Variants in ATP2B4 observed in about 807,000 individuals in gnomAD.
ATP2B4 encodes the protein ATPase plasma membrane Ca2+ transporting 4, also known as plasma membrane calcium-transporting ATPase 4.
In ATP2B4, 39 loss-of-function variants were observed where a neutral mutation model predicts 110.3. The observed-to-expected ratio is 0.35, with a 90% CI of 0.27 to 0.46. The LOEUF (loss-of-function observed/expected upper bound fraction) is 0.46, where lower values mean the gene tolerates loss of function less well. Among genes scored for constraint, ATP2B4 ranks in the 20% least tolerant of loss-of-function variants. ATP2B4 has a pLI of 1.00. For synonymous variants in ATP2B4, 538 were observed against 571.7 expected (o/e 0.94, Z 0.84); for missense variants, 1,135 against 1,530.9 (o/e 0.74, Z 4.32).
At position 203,720,705 on chromosome 1, in the gene ATP2B4, G is replaced by A. The variant is rs748977323; in HGVS notation, c.2563G>A (p.Val855Met). Residue 855 changes from valine to methionine, a missense_variant, in exon 16 of 21, where the codon GTG becomes ATG. Transcript: ENST00000357681. The part of the protein sequence containing the change: ...QFQLTVNVVA[V>M]IVAFTGACIT... ...CCAGCTCACTGTCAATGTGGTGGCC[G>A]TGATTGTAGCCTTCACTGGAGCCTG... 5.6e-6 allele frequency: 9 copies of A among 1,613,490 alleles called. No homozygotes were observed. The highest frequency in any genetic ancestry group is 2.2e-5 in the East Asian group (1 of 44,884).
rs562167924 is a variant in ATP2B4, at chr1:203,714,117, C to T, written c.2300-54C>T. The T allele has an allele frequency of 3.9e-6, 6 of 1,521,376 alleles. No homozygotes were observed. The South Asian group carries it at 4.5e-5, about 12-fold the overall frequency. The allele number at this position is 1,521,376 out of a possible 1,614,324, so 94.2% of individuals were successfully genotyped here. A position where few individuals can be genotyped will look rare whatever the true frequency, so the allele number is the denominator to read the frequency against. On this transcript the variant is annotated intron_variant, in intron 14 of 20. Coordinates refer to ENST00000357681, the MANE Select transcript of ATP2B4 (RefSeq NM_001684.5). ...TAGAAGGAGTGGCGGGTGGTAGGAA[C>T]TGAAGGGTGGGGGAGACCAGAAAAG...
In ATP2B4 at chr1:203,699,747, C is replaced by T. The variant is rs770208103; in HGVS notation, c.649+30C>T. 41 of 1,608,734 alleles carry T rather than the reference C, an allele frequency of 2.5e-5. No individual in the cohort carries two copies. In the South Asian group the frequency reaches 3.6e-4, roughly 14 times the overall value. On this transcript the variant is annotated intron_variant, in intron 4 of 20. Coordinates refer to ENST00000357681, the MANE Select transcript of ATP2B4 (RefSeq NM_001684.5). ...GAGCTCCGTGTTTCTTTTGCTTACC[C>T]CACCACCACCCCCATTTAAGGGATA...
At position 203,693,810 on chromosome 1, in the gene ATP2B4, G is replaced by A. The variant is rs145280760; in HGVS notation, c.194-4347G>A. ...AGGAAGTAGGGTGGCCAACCATCCCGGTTTGCCCGGGACTGAGCGGGGTTC... is the reference window on the plus strand; with the variant it reads ...AGGAAGTAGGGTGGCCAACCATCCCAGTTTGCCCGGGACTGAGCGGGGTTC... On this transcript the variant is annotated intron_variant, in intron 2 of 20. Coordinates refer to ENST00000357681, the MANE Select transcript of ATP2B4 (RefSeq NM_001684.5). Among the ~76,000 whole-genome samples, 931 of 152,260 alleles carry A rather than the reference G, an allele frequency of 6.1e-3. 7 individuals carry two copies. The highest frequency in any genetic ancestry group is 0.014 in the South Asian group (70 of 4,830).
chr1:203,637,770 A>G (rs1663501354), intron 1 of ATP2B4, among the ~76,000 whole-genome samples: 1 of 152,220 alleles, frequency 6.6e-6, no homozygotes, highest in South Asian at 2.1e-4. Context: ...CAAGGTAGAG[A>G]GGAATGTATC....
At chr1:203,709,866 G>A (rs1171062125) in intron 11 of ATP2B4, among the ~76,000 whole-genome samples, 2 of 152,178 alleles carry the variant, frequency 1.3e-5, no homozygotes, top group Non-Finnish European at 2.9e-5. Context: ...AGACCTGGAC[G>A]ATCCTAAGTT....
chr1:203,709,099 G>A (rs867437886), intron 10 of ATP2B4, among the ~76,000 whole-genome samples: 18 of 152,124 alleles, frequency 1.2e-4, no homozygotes, highest in Non-Finnish European at 2.5e-4. Flanking sequence ...GGAGGTTGCA[G>A]TGAGCCAAGG....
In ATP2B4 at chr1:203,723,420, ATCTCTCTCTCTCTCTC is replaced by A. The variant is rs34964110; in HGVS notation, c.3025-436_3025-421del. On this transcript the variant is annotated intron_variant, in intron 18 of 20. Coordinates refer to ENST00000357681, the MANE Select transcript of ATP2B4 (RefSeq NM_001684.5). ...TTTTTTTTTTTCGTTTGAGACAGAT[ATCTCTCTCTCTCTCTC>A]TCTCTCTCTCTCTCTCTCTCTCTCC... is the stretch of plus-strand genomic sequence containing the variant. 9.0e-5 allele frequency among the ~76,000 whole-genome samples: 4 copies of A among 44,538 alleles called. No homozygotes were observed. In the Admixed American group the frequency reaches 1.1e-3, roughly 12 times the overall value. The allele number at this position is 44,538 out of a possible 152,430, so 29.2% of individuals were successfully genotyped here.
In ATP2B4 at chr1:203,683,251, G is replaced by A. The variant is rs369212336; in HGVS notation, c.46G>A (p.Glu16Lys). ...TGTCTTGCCTGCCAACTCGATGGCC[G>A]AGAGCCGTGAAGGGGACTTTGGCTG... ...DRVLPANSMA[E>K]SREGDFGCTV... The change falls in exon 2 of 21, where the codon GAG becomes AAG. Residue 16 changes from glutamate to lysine, a missense_variant. Physicochemically the swap from Glu to Lys is moderately conservative, Grantham distance 56. Coordinates refer to ENST00000357681, the MANE Select transcript of ATP2B4 (RefSeq NM_001684.5). The A allele has an allele frequency of 4.0e-5, 65 of 1,614,038 alleles. No individual in the cohort carries two copies. The African/African-American group carries it at 5.1e-4, about 13-fold the overall frequency.
chr1:203,660,097 A>AAAG (rs1553245084), intron 1 of ATP2B4, among the ~76,000 whole-genome samples: 1,311 of 120,610 alleles, frequency 0.011, 22 homozygotes, highest in African/African-American at 0.031. Context: ...AAAAAAAAAA[A>AAAG]AAAGAAAGAA....
intron 1 of ATP2B4, among the ~76,000 whole-genome samples, chr1:203,676,124 G>C (rs999467140): frequency 2.0e-5 from 3 of 152,182 alleles, no homozygotes; most frequent in Non-Finnish European, 4.4e-5. Flanking sequence ...GGGTGTGGCT[G>C]TCGGATGATG....
chr1:203,701,128 C>T (rs1030067337), intron 6 of ATP2B4, among the ~76,000 whole-genome samples: 1 of 151,776 alleles, frequency 6.6e-6, no homozygotes, highest in Non-Finnish European at 1.5e-5. Context: ...CTCTAGGCTC[C>T]CAAATCAGGT....
rs966526784 is a variant in ATP2B4 at position 203,721,388 on chromosome 1, C to T, written c.2790C>T (p.Val930=). The change falls in exon 17 of 21, where the codon GTC becomes GTT. Residue 930 remains valine, a synonymous_variant. Coordinates refer to ENST00000357681, the MANE Select transcript of ATP2B4 (RefSeq NM_001684.5). ...GCCATGCATTCTATCAGCTCATTGT[C>T]ATCTTTATCCTTGTCTTTGCGGGTG... ...ILGHAFYQLI[V]IFILVFAGEK... is the part of the protein sequence containing the mutation. 8 of 1,613,940 alleles carry T rather than the reference C, an allele frequency of 5.0e-6. No homozygotes were observed. In the African/African-American group the frequency reaches 1.1e-4, roughly 22 times the overall value.
At chr1:203,686,706 TTTTTTAG>T (rs1228777867) in intron 2 of ATP2B4, among the ~76,000 whole-genome samples, 33 of 137,644 alleles carry the variant, frequency 2.4e-4, no homozygotes, top group African/African-American at 8.9e-4. Context: ...TTTTTTTTTT[TTTTTTAG>T]AAGGAGTTTT....
chr1:203,671,073 A>G (rs1664646784), intron 1 of ATP2B4, among the ~76,000 whole-genome samples: 1 of 152,202 alleles, frequency 6.6e-6, no homozygotes, highest in African/African-American at 2.4e-5. Context: ...GTGTATACCA[A>G]TCCAAAAGAA....
intron 20 of ATP2B4, among the ~76,000 whole-genome samples, chr1:203,736,761 C>G (rs953296764): frequency 6.6e-6 from 1 of 152,208 alleles, no homozygotes; most frequent in Non-Finnish European, 1.5e-5. Flanking sequence ...CCATACACTG[C>G]TCATGCACCA....
At chr1:203,632,635 G>T (rs1229516047) in intron 1 of ATP2B4, among the ~76,000 whole-genome samples, 4 of 150,284 alleles carry the variant, frequency 2.7e-5, no homozygotes, top group Non-Finnish European at 5.9e-5. Context: ...GAGCCACCAC[G>T]CCTGGCCTAA....
chr1:203,714,669 T>G (rs926303274), intron 15 of ATP2B4, among the ~76,000 whole-genome samples: 5 of 152,220 alleles, frequency 3.3e-5, no homozygotes, highest in Non-Finnish European at 7.3e-5. Context: ...ACTTGGAAAG[T>G]TCATGTGAAA....
intron 1 of ATP2B4, chr1:203,657,084 T>C (rs774195373): frequency 1.2e-6 from 1 of 843,714 alleles, no homozygotes; most frequent in Non-Finnish European, 2.0e-6. Flanking sequence ...CGCTCACATT[T>C]ACCTCAATGA....
chr1:203,676,143 TG>T (rs1208549674), intron 1 of ATP2B4, among the ~76,000 whole-genome samples: 1 of 152,146 alleles, frequency 6.6e-6, no homozygotes. Context: ...TGATGACAAG[TG>T]GTCCCACCCG....
Sources: gnomAD v4.1 joint callset for allele counts (sites outside exome capture counted in the v4.1 genomes callset) on GRCh38, gnomAD v4.1.1 for gene constraint, MANE v1.5 for transcripts, NCBI Gene and HGNC (gene_info 2026-07-23, HGNC 2026-07-21) for gene names.